Variants in TMC1 observed in about 807,000 individuals in gnomAD.
The protein encoded by TMC1 is transmembrane channel-like protein 1.
A neutral mutation model predicts 105.8 loss-of-function variants in TMC1; 84 were observed. The ratio of observed to expected loss-of-function variants is 0.79; its 90% CI spans 0.67 to 0.95. TMC1 has a LOEUF of 0.95. Ranked by LOEUF, TMC1 falls within the 40% of genes least tolerant of loss-of-function variation. The pLI is 0.00. For missense variants in TMC1, 817 were observed against 914.1 expected, an observed-to-expected ratio of 0.89 and a Z score of 1.37; for synonymous variants, 315 against 311.5, an observed-to-expected ratio of 1.01 and a Z score of -0.12.
intron 1 of TMC1, among the ~76,000 whole-genome samples, chr9:72,549,892 G>A (rs1012093593): frequency 1.3e-5 from 2 of 151,758 alleles, no homozygotes; most frequent in Admixed American, 1.3e-4. Flanking sequence ...GATTACAGAT[G>A]TGAGCCACCG....
intron 11 of TMC1, among the ~76,000 whole-genome samples, chr9:72,752,635 T>C (rs1827599325): frequency 6.6e-6 from 1 of 152,130 alleles, no homozygotes; most frequent in African/African-American, 2.4e-5. Flanking sequence ...CCTTCACTCA[T>C]ATGAAGTTAA....
At chr9:72,707,327 A>G (rs1253215244) in intron 8 of TMC1, among the ~76,000 whole-genome samples, 1 of 152,098 alleles carries the variant, frequency 6.6e-6, no homozygotes, top group Non-Finnish European at 1.5e-5. Context: ...TCTTTAAGGA[A>G]TCTCCACCCT....
chr9:72,664,360 A>T (rs959045629), intron 5 of TMC1, among the ~76,000 whole-genome samples: 1 of 152,178 alleles, frequency 6.6e-6, no homozygotes, highest in African/African-American at 2.4e-5. Flanking sequence ...ACAGGGAAAT[A>T]CTGGGTAGAA....
intron 8 of TMC1, among the ~76,000 whole-genome samples, chr9:72,736,345 TTTTAA>T (rs1184694870): frequency 6.6e-6 from 1 of 152,210 alleles, no homozygotes; most frequent in Non-Finnish European, 1.5e-5. Context: ...TTTGTACTGA[TTTTAA>T]TTTGACTGTT....
At chr9:72,757,448 C>A (rs972209337) in intron 12 of TMC1, among the ~76,000 whole-genome samples, 5 of 152,202 alleles carry the variant, frequency 3.3e-5, no homozygotes, top group African/African-American at 1.2e-4. Flanking sequence ...GCACACAGTA[C>A]AGGCTGAGTA....
chr9:72,641,439 A>ATATGCACTGTGGAGG (rs1825625376), intron 4 of TMC1, among the ~76,000 whole-genome samples: 2 of 152,198 alleles, frequency 1.3e-5, no homozygotes, highest in Non-Finnish European at 2.9e-5. Context: ...CTGTGTCAAA[A>ATATGCACTGTGGAGG]ACAGTCCTCT....
At chr9:72,553,226 G>A (rs558931210) in intron 1 of TMC1, among the ~76,000 whole-genome samples, 6 of 152,232 alleles carry the variant, frequency 3.9e-5, no homozygotes, top group African/African-American at 1.2e-4. Context: ...ACCGGCCTCT[G>A]CTTCACAAAG....
intron 13 of TMC1, among the ~76,000 whole-genome samples, chr9:72,780,407 T>C (rs542015527): frequency 2.8e-4 from 43 of 152,268 alleles, no homozygotes; most frequent in African/African-American, 9.4e-4. Flanking sequence ...TCTTCACATA[T>C]GAATATTAAC....
intron 2 of TMC1, among the ~76,000 whole-genome samples, chr9:72,608,355 GA>G (rs1824960269): frequency 6.6e-6 from 1 of 152,202 alleles, no homozygotes; most frequent in Non-Finnish European, 1.5e-5. Context: ...AAAAAGAAAT[GA>G]ATTTCATTCA....
intron 19 of TMC1, among the ~76,000 whole-genome samples, chr9:72,817,818 C>T (rs1828811189): frequency 6.6e-6 from 1 of 152,098 alleles, no homozygotes; most frequent in Admixed American, 6.6e-5. Flanking sequence ...GTGGGCAGAT[C>T]CATTATCAAA....
intron 6 of TMC1, among the ~76,000 whole-genome samples, chr9:72,692,179 CT>C (rs1826476199): frequency 6.6e-6 from 1 of 152,192 alleles, no homozygotes; most frequent in African/African-American, 2.4e-5. Context: ...AACCAGAGGT[CT>C]TTTCCTGTCA....
intron 2 of TMC1, among the ~76,000 whole-genome samples, chr9:72,592,779 C>A (rs1824659455): frequency 6.6e-6 from 1 of 152,124 alleles, no homozygotes; most frequent in Non-Finnish European, 1.5e-5. Context: ...TGTTAAATGT[C>A]CAATGGGTCA....
chr9:72,618,498 G>T (rs1825184527), intron 3 of TMC1, among the ~76,000 whole-genome samples: 1 of 152,124 alleles, frequency 6.6e-6, no homozygotes, highest in African/African-American at 2.4e-5. Flanking sequence ...TATTTCAAGT[G>T]ACTTTAACAC....
chr9:72,815,849 T>C (rs956445186), intron 18 of TMC1, among the ~76,000 whole-genome samples: 1 of 152,180 alleles, frequency 6.6e-6, no homozygotes, highest in African/African-American at 2.4e-5. Context: ...TGTCAAATTG[T>C]TTTTCTGAAA....
intron 10 of TMC1, among the ~76,000 whole-genome samples, chr9:72,750,168 G>C (rs898191041): frequency 6.6e-6 from 1 of 152,134 alleles, no homozygotes; most frequent in Non-Finnish European, 1.5e-5. Context: ...TGTCCTGTGA[G>C]GCCGGCCTCA....
intron 1 of TMC1, among the ~76,000 whole-genome samples, chr9:72,532,320 C>T (rs1454561238): frequency 6.6e-6 from 1 of 151,908 alleles, no homozygotes; most frequent in African/African-American, 2.4e-5. Context: ...GCGGGCAGAT[C>T]ACTTGAGGTC....
chr9:72,733,643 G>A (rs1270562404), intron 8 of TMC1, among the ~76,000 whole-genome samples: 1 of 152,098 alleles, frequency 6.6e-6, no homozygotes, highest in African/African-American at 2.4e-5. Flanking sequence ...CCTGATTGCT[G>A]TCAATCAGAA....
rs1564577292 is a variant in TMC1 at position 72,821,089 on chromosome 9, G to GC, written c.2003+9dup. 6.2e-7 allele frequency: 1 copy of GC among 1,614,134 alleles called. No homozygotes were observed. The highest frequency in any genetic ancestry group is 1.1e-5 in the South Asian group (1 of 91,080). On this transcript the variant is annotated intron_variant, in intron 20 of 23. Transcript: ENST00000297784. ...TGATTGTGGTCCATTCAGGTCTCTT[G>GC]CTTTTGAAATTTGACTCAGGCATCG...
intron 19 of TMC1, 71 bp from the exon 20 acceptor site, chr9:72,820,771 T>G: frequency 1.9e-6 from 3 of 1,594,946 alleles, no homozygotes; most frequent in Non-Finnish European, 2.6e-6. Context: ...TGATGTCAAA[T>G]AAACAGGTGC....
Sources: allele counts gnomAD v4.1 joint callset (sites outside exome capture counted in the v4.1 genomes callset), GRCh38; gene constraint gnomAD v4.1.1; transcripts MANE v1.5; gene names NCBI Gene and HGNC (gene_info 2026-07-23, HGNC 2026-07-21).